The following DLG2 variants were observed in gnomAD, a reference collection of about 807,000 sequenced individuals.
DLG2 encodes the protein discs large MAGUK scaffold protein 2.
A neutral mutation model predicts 132.5 loss-of-function variants in DLG2; 45 were observed. That is an observed-to-expected ratio of 0.34 (90% CI 0.27 to 0.44). The LOEUF is 0.44. DLG2 is among the 20% of genes least tolerant of loss of function. DLG2 has a pLI of 1.00. For synonymous variants in DLG2, 424 were observed against 419.6 expected, an observed-to-expected ratio of 1.01 and a Z score of -0.13; for missense variants, 1,045 against 1,196.9, an observed-to-expected ratio of 0.87 and a Z score of 1.87.
chr11:85,499,809 T>C (rs286530), intron 3 of DLG2, among the ~76,000 whole-genome samples: 134,156 of 152,180 alleles, frequency 0.88, 59,379 homozygotes, highest in Non-Finnish European at 0.91. Flanking sequence ...AATCAATAAA[T>C]GTAATCCATC....
intron 6 of DLG2, among the ~76,000 whole-genome samples, chr11:84,743,182 G>T (rs935321006): frequency 1.3e-5 from 2 of 152,038 alleles, no homozygotes; most frequent in Admixed American, 6.5e-5. Context: ...CATAACTATA[G>T]AACAATATCA....
At chr11:84,844,133 GTGTATATATATA>G (rs1286306830) in intron 6 of DLG2, among the ~76,000 whole-genome samples, 6 of 25,992 alleles carry the variant, frequency 2.3e-4, no homozygotes, top group African/African-American at 7.1e-4. Flanking sequence ...GTGTGTGTGT[GTGTATATATATA>G]TATATATATA....
intron 22 of DLG2, among the ~76,000 whole-genome samples, chr11:83,475,435 G>C (rs931279038): frequency 1.3e-5 from 2 of 152,066 alleles, no homozygotes; most frequent in Non-Finnish European, 2.9e-5. Context: ...CTGAGGCTCA[G>C]AGATGTTAAT....
At chr11:84,098,888 A>G (rs2092129124) in intron 10 of DLG2, 35 bp downstream of exon 10, 3 of 1,605,140 alleles carry the variant, frequency 1.9e-6, no homozygotes, top group East Asian at 4.5e-5. Flanking sequence ...CAGCAGATTT[A>G]CTTTCAAAAT....
chr11:84,228,609 G>A (rs1426786309), intron 8 of DLG2, among the ~76,000 whole-genome samples: 5 of 152,052 alleles, frequency 3.3e-5, no homozygotes, highest in Non-Finnish European at 5.9e-5. Flanking sequence ...AAGAAAAGTG[G>A]GTTGTTTGAA....
At chr11:84,183,697 G>GTA (rs2154282189) in intron 8 of DLG2, among the ~76,000 whole-genome samples, 1 of 152,148 alleles carries the variant, frequency 6.6e-6, no homozygotes, top group Admixed American at 6.5e-5. Flanking sequence ...TTTACATCAG[G>GTA]TATATCTCCT....
At chr11:85,479,711 C>T (rs1281546656) in intron 3 of DLG2, among the ~76,000 whole-genome samples, 1 of 152,028 alleles carries the variant, frequency 6.6e-6, no homozygotes, top group Non-Finnish European at 1.5e-5. Flanking sequence ...GTAGCTTAAA[C>T]AACAGTAATG....
intron 18 of DLG2, among the ~76,000 whole-genome samples, chr11:83,683,170 C>T (rs930796816): frequency 4.6e-5 from 7 of 152,176 alleles, no homozygotes; most frequent in Non-Finnish European, 1.0e-4. Context: ...AATAACAGCA[C>T]TGGAAAATAT....
intron 18 of DLG2, among the ~76,000 whole-genome samples, chr11:83,707,236 T>C (rs966124901): frequency 1.3e-5 from 2 of 152,194 alleles, no homozygotes; most frequent in African/African-American, 4.8e-5. Flanking sequence ...TTCTCCTATA[T>C]AGGAGAACAG....
intron 11 of DLG2, among the ~76,000 whole-genome samples, chr11:84,057,574 A>G (rs1157117215): frequency 6.6e-6 from 1 of 152,142 alleles, no homozygotes; most frequent in Non-Finnish European, 1.5e-5. Context: ...TATGATTTTA[A>G]CACATTTGAA....
At chr11:85,619,727 G>A (rs1263310839) in intron 2 of DLG2, among the ~76,000 whole-genome samples, 5 of 151,956 alleles carry the variant, frequency 3.3e-5, no homozygotes, top group Non-Finnish European at 7.4e-5. Context: ...CCAGCTACTC[G>A]GCAGGCTGAG....
intron 3 of DLG2, among the ~76,000 whole-genome samples, chr11:85,414,983 T>C (rs2152986172): frequency 6.6e-6 from 1 of 152,136 alleles, no homozygotes; most frequent in East Asian, 1.9e-4. Context: ...CTACATGAGG[T>C]ATTTCTCTTA....
At chr11:85,104,462 G>A (rs1187016024) in intron 6 of DLG2, among the ~76,000 whole-genome samples, 1 of 151,896 alleles carries the variant, frequency 6.6e-6, no homozygotes. Context: ...CACAAAGGCT[G>A]CATATTACAT....
chr11:85,001,298 A>C (rs981623626), intron 6 of DLG2, among the ~76,000 whole-genome samples: 6 of 152,086 alleles, frequency 3.9e-5, no homozygotes, highest in African/African-American at 1.4e-4. Flanking sequence ...GGGTCTCACT[A>C]TGTTGCCCAC....
chr11:84,682,624 G>A (rs2099734458), intron 6 of DLG2, among the ~76,000 whole-genome samples: 1 of 152,098 alleles, frequency 6.6e-6, no homozygotes, highest in Admixed American at 6.5e-5. Flanking sequence ...TCTGCCACTG[G>A]AGGAAAAAGC....
intron 10 of DLG2, among the ~76,000 whole-genome samples, chr11:84,060,554 A>G (rs1566280591): frequency 7.1e-6 from 1 of 140,808 alleles, no homozygotes; most frequent in Non-Finnish European, 1.5e-5. Context: ...TTTTTTTTTC[A>G]TTTTCACATG....
intron 6 of DLG2, among the ~76,000 whole-genome samples, chr11:84,892,423 A>T (rs1241652105): frequency 2.0e-5 from 3 of 152,240 alleles, no homozygotes; most frequent in Non-Finnish European, 4.4e-5. Flanking sequence ...AAAAGGCTTT[A>T]TCTGTTTTAT....
chr11:84,035,610 C>A (rs975892096), intron 11 of DLG2, among the ~76,000 whole-genome samples: 8 of 152,052 alleles, frequency 5.3e-5, no homozygotes, highest in African/African-American at 1.9e-4. Context: ...CAGGGGCTGG[C>A]AAACTATGGT....
chr11:84,637,280 A>G (rs2099642299), intron 6 of DLG2, among the ~76,000 whole-genome samples: 1 of 152,120 alleles, frequency 6.6e-6, no homozygotes, highest in Admixed American at 6.6e-5. Flanking sequence ...AAGTTTCCCA[A>G]CAGCCCCAGG....
Sources: gnomAD v4.1 joint callset for allele counts (sites outside exome capture counted in the v4.1 genomes callset) on GRCh38, gnomAD v4.1.1 for gene constraint, MANE v1.5 for transcripts, NCBI Gene and HGNC (gene_info 2026-07-23, HGNC 2026-07-21) for gene names.